The following CCDC80 variants were observed in gnomAD, a reference collection of about 807,000 sequenced individuals.
CCDC80 encodes coiled-coil domain-containing protein 80.
CCDC80 carries 49 observed loss-of-function variants against 78.7 expected under a neutral mutation model. That is an observed-to-expected ratio of 0.62 (90% CI 0.50 to 0.79). The LOEUF (loss-of-function observed/expected upper bound fraction) is 0.79, where lower values mean the gene tolerates loss of function less well. CCDC80 is among the 30% of genes least tolerant of loss of function. CCDC80 has a pLI of 0.00. For synonymous variants in CCDC80, 488 were observed against 447.0 expected (o/e 1.09, Z -1.16); for missense variants, 1,205 against 1,198.6 (o/e 1.01, Z -0.08).
Position 112,610,048 on chromosome 3 carries a change from A to G in CCDC80, c.2355T>C (p.Ser785=). The change falls in exon 6 of 8, where the codon TCT becomes TCC. Residue 785 remains serine (S), a synonymous_variant. Coordinates refer to ENST00000206423, the MANE Select transcript of CCDC80 (RefSeq NM_199511.3). ...FRWRRRLLVI[S]APNDEDWAYS... ...AGGCCCAGTCTTCATCGTTAGGAGC[A>G]GAGATCACCAGCAACCTCCTCCTCC... The G allele has an allele frequency of 6.2e-7, 1 of 1,614,062 alleles. No homozygotes were observed. Among genetic ancestry groups the G allele is most frequent in the Non-Finnish European group, 8.5e-7 (1 of 1,180,012 alleles).
chr3:112,639,501 C>A lies in CCDC80; in HGVS notation c.405G>T (p.Gly135=), dbSNP rs374764351. 1.9e-6 allele frequency: 3 copies of A among 1,614,204 alleles called. No individual in the cohort carries two copies. In the South Asian group the frequency reaches 3.3e-5, roughly 18 times the overall value. Residue 135 remains glycine, a synonymous_variant, in exon 2 of 8, where the codon GGG becomes GGT. Coordinates refer to ENST00000206423, the MANE Select transcript of CCDC80 (RefSeq NM_199511.3). ...ARSRMLRFPS[G]SSSPNILASF... ...TGGCAAGGATGTTGGGAGAGCTGGA[C>A]CCCGAAGGGAAACGCAACATTCTTG...
chr3:112,630,643 C>A (rs908191605), intron 2 of CCDC80, among the ~76,000 whole-genome samples: 3 of 152,140 alleles, frequency 2.0e-5, no homozygotes, highest in Middle Eastern at 3.2e-3. Context: ...TAATTTTGAT[C>A]TTCATTATTC....
Position 112,601,275 on chromosome 3 carries a change from C to T in CCDC80, c.*4142G>A, listed in dbSNP as rs1375580914. The T allele has an allele frequency of 6.6e-6, 1 of 152,144 alleles. No homozygotes were observed. The highest frequency in any genetic ancestry group is 1.5e-5 in the Non-Finnish European group (1 of 68,030). 9.4% of individuals were successfully genotyped at this position (152,144 alleles called of 1,614,324 possible). A position where few individuals can be genotyped will look rare whatever the true frequency, so the allele number is the denominator to read the frequency against. On this transcript the variant is annotated 3_prime_UTR_variant, in exon 8 of 8. Coordinates refer to ENST00000206423, the MANE Select transcript of CCDC80 (RefSeq NM_199511.3). ...GAAAAATCTGAACATACAGTAGGCA[C>T]AGATAAACCTATAGCAAATATTCAC...
chr3:112,630,299 CATTT>C, intron 2 of CCDC80, 30 bp from the exon 3 acceptor site: 1 of 1,607,746 alleles, frequency 6.2e-7, no homozygotes, highest in Non-Finnish European at 8.5e-7. Flanking sequence ...AACAAATACT[CATTT>C]ATAGTGATAG....
chr3:112,608,768 C>A (rs576364412), intron 6 of CCDC80, among the ~76,000 whole-genome samples: 20 of 151,982 alleles, frequency 1.3e-4, no homozygotes, highest in Non-Finnish European at 2.4e-4. Context: ...AAATTATTAA[C>A]CTTGATAATA....
Position 112,601,457 on chromosome 3 carries a change from G to A in CCDC80, c.*3960C>T, listed in dbSNP as rs1935372780. 6.6e-6 allele frequency: 1 copy of A among 152,106 alleles called. No individual in the cohort carries two copies. The highest frequency in any genetic ancestry group is 1.5e-5 in the Non-Finnish European group (1 of 68,040). 9.4% of individuals were successfully genotyped at this position (152,106 alleles called of 1,614,324 possible). A position where few individuals can be genotyped will look rare whatever the true frequency, so the allele number is the denominator to read the frequency against. ...ATGATGCTAAATGCCTATCTGAGGG[G>A]AAGCTCATAAATATTACTTGACAAT... On this transcript the variant is annotated 3_prime_UTR_variant, in exon 8 of 8. Coordinates refer to ENST00000206423, the MANE Select transcript of CCDC80 (RefSeq NM_199511.3).
rs1308666928 is a variant in CCDC80, at chr3:112,597,057, GC to G, written c.*8359del. On this transcript the variant is annotated 3_prime_UTR_variant, in exon 8 of 8. Transcript: ENST00000206423. ...CAGCCAGTCTTACTTAATGTATTAG[GC>G]CAGTTGGAAACCATCATTAAAGAAA... The G allele has an allele frequency of 2.6e-5, 4 of 152,160 alleles. No homozygotes were observed. In the East Asian group the frequency reaches 7.7e-4, roughly 29 times the overall value. 9.4% of individuals were successfully genotyped at this position (152,160 alleles called of 1,614,324 possible). A position where few individuals can be genotyped will look rare whatever the true frequency, so the allele number is the denominator to read the frequency against.
chr3:112,633,312 C>T (rs766935557), intron 2 of CCDC80, among the ~76,000 whole-genome samples: 1 of 152,128 alleles, frequency 6.6e-6, no homozygotes, highest in Non-Finnish European at 1.5e-5. Flanking sequence ...CAGAAACCTG[C>T]CCCCGCCCTT....
chr3:112,614,679 G>T (rs1935696822), intron 5 of CCDC80, among the ~76,000 whole-genome samples: 2 of 152,154 alleles, frequency 1.3e-5, no homozygotes, highest in African/African-American at 4.8e-5. Flanking sequence ...AGAGCCTTGG[G>T]TTCCTTTCAG....
chr3:112,628,863 A>G (rs1936033517), intron 3 of CCDC80, among the ~76,000 whole-genome samples: 1 of 152,200 alleles, frequency 6.6e-6, no homozygotes, highest in African/African-American at 2.4e-5. Flanking sequence ...TTTAAAGTAG[A>G]GAATGCATAA....
rs1176774525 is a variant in CCDC80, at chr3:112,599,803, T to C, written c.*5614A>G. ...CCTGCCTATGTAGCAGAAAAGGATC[T>C]TTCTGCTGAATTAATATTCACCTCA... On this transcript the variant is annotated 3_prime_UTR_variant, in exon 8 of 8. Transcript: ENST00000206423. 1.3e-5 allele frequency: 2 copies of C among 152,208 alleles called. No individual in the cohort carries two copies. The highest frequency in any genetic ancestry group is 4.8e-5 in the African/African-American group (2 of 41,458). The allele number at this position is 152,208 out of a possible 1,614,324, so 9.4% of individuals were successfully genotyped here. A position where few individuals can be genotyped will look rare whatever the true frequency, so the allele number is the denominator to read the frequency against.
rs1007532871 is a variant in CCDC80, at chr3:112,600,596, G to A, written c.*4821C>T. ...GGCACACTGAAGCCTCGACCTCCTA[G>A]GCTCAAGCGATTCTCTCACTTCAGC... On this transcript the variant is annotated 3_prime_UTR_variant, in exon 8 of 8. Coordinates refer to ENST00000206423, the MANE Select transcript of CCDC80 (RefSeq NM_199511.3). 3 of 152,206 alleles carry A rather than the reference G, an allele frequency of 2.0e-5. No individual in the cohort carries two copies. The highest frequency in any genetic ancestry group is 2.9e-5 in the Non-Finnish European group (2 of 68,030). 9.4% of individuals were successfully genotyped at this position (152,206 alleles called of 1,614,324 possible). A position where few individuals can be genotyped will look rare whatever the true frequency, so the allele number is the denominator to read the frequency against.
At position 112,607,190 on chromosome 3, in the gene CCDC80, A is replaced by G; in HGVS notation, c.2492T>C (p.Leu831Pro). Residue 831 changes from leucine (L) to proline (P), a missense_variant, in exon 7 of 8, where the codon CTG (leucine) becomes CCG (proline). Transcript: ENST00000206423. The part of the protein sequence containing the change: ...VGEEVGGVLE[L>P]FPINGSSVVE... ...CAACACATTACCATTAATTGGGAACAGTTCTAACACTCCCCCAACTTCCTC... is the reference window on the plus strand; with the variant it reads ...CAACACATTACCATTAATTGGGAACGGTTCTAACACTCCCCCAACTTCCTC... 6.2e-7 allele frequency: 1 copy of G among 1,612,410 alleles called. No individual in the cohort carries two copies. The highest frequency in any genetic ancestry group is 2.2e-5 in the East Asian group (1 of 44,838).
chr3:112,627,080 T>C (rs1935992059), intron 3 of CCDC80, among the ~76,000 whole-genome samples: 1 of 152,188 alleles, frequency 6.6e-6, no homozygotes, highest in African/African-American at 2.4e-5. Flanking sequence ...TTAAAATATT[T>C]TTCATCTCTA....
chr3:112,605,296 G>A lies in CCDC80; in HGVS notation c.*121C>T. 2 of 647,242 alleles carry A rather than the reference G, an allele frequency of 3.1e-6. No individual in the cohort carries two copies. Among genetic ancestry groups the A allele is most frequent in the South Asian group, 2.2e-5 (1 of 45,592 alleles). 40.1% of individuals were successfully genotyped at this position (647,242 alleles called of 1,614,324 possible). On this transcript the variant is annotated 3_prime_UTR_variant, in exon 8 of 8. Coordinates refer to ENST00000206423, the MANE Select transcript of CCDC80 (RefSeq NM_199511.3). ...AAAGTTTGCTATTTATTTAGTCTTA[G>A]AAAAACACTGAAAGAAAAAGGCAGG...
At chr3:112,631,787 C>A (rs1424565783) in intron 2 of CCDC80, among the ~76,000 whole-genome samples, 1 of 152,120 alleles carries the variant, frequency 6.6e-6, no homozygotes, top group African/African-American at 2.4e-5. Flanking sequence ...TAAGAATTCT[C>A]CCCGCATGAC....
rs138093451 is a variant in CCDC80 at position 112,601,538 on chromosome 3, T to A, written c.*3879A>T. On this transcript the variant is annotated 3_prime_UTR_variant, in exon 8 of 8. Transcript: ENST00000206423. ...AATGTAGTAAAGAAGCAAGGATGGCTGGGCATGGTGGAGCATGGCTGTGGT... is the reference window on the plus strand; with the variant it reads ...AATGTAGTAAAGAAGCAAGGATGGCAGGGCATGGTGGAGCATGGCTGTGGT... 42 of 152,084 alleles carry A rather than the reference T, an allele frequency of 2.8e-4. No homozygotes were observed. The highest frequency in any genetic ancestry group is 9.4e-4 in the African/African-American group (39 of 41,454). The allele number at this position is 152,084 out of a possible 1,614,324, so 9.4% of individuals were successfully genotyped here.
In CCDC80 at chr3:112,619,618, TCA is replaced by T. The variant is rs373664442; in HGVS notation, c.2036-516_2036-515del. 4.7e-4 allele frequency among the ~76,000 whole-genome samples: 71 copies of T among 152,354 alleles called. 1 individual carries two copies. Among genetic ancestry groups the T allele is most frequent in the African/African-American group, 1.6e-3 (65 of 41,590 alleles). ...AAATAGAGTTTCTGTTGAAACCTAG[TCA>T]CAGTTTCATTTGGGCTCCAAAAGAA... is the stretch of plus-strand genomic sequence containing the variant. On this transcript the variant is annotated intron_variant, in intron 3 of 7. Coordinates refer to ENST00000206423, the MANE Select transcript of CCDC80 (RefSeq NM_199511.3).
At position 112,639,390 on chromosome 3, in the gene CCDC80, C is replaced by T; in HGVS notation, c.516G>A (p.Lys172=). The change falls in exon 2 of 8, where the codon AAG becomes AAA. Residue 172 remains lysine, a synonymous_variant. Transcript: ENST00000206423. ...GYYRLMMSLL[K]DDVYCELAER... ...CCGCCAGCTCACAGTACACATCGTC[C>T]TTCAGCAGGCTCATCATGAGGCGGT... 1.2e-6 allele frequency: 2 copies of T among 1,614,200 alleles called. No individual in the cohort carries two copies. The highest frequency in any genetic ancestry group is 1.3e-5 in the African/African-American group (1 of 75,034).
Sources: allele counts gnomAD v4.1 joint callset (sites outside exome capture counted in the v4.1 genomes callset), GRCh38; gene constraint gnomAD v4.1.1; transcripts MANE v1.5; gene names NCBI Gene and HGNC (gene_info 2026-07-23, HGNC 2026-07-21).